The following CNTN5 variants were observed in gnomAD, a reference collection of about 807,000 sequenced individuals.
CNTN5 encodes contactin 5, also known as contactin-5.
CNTN5 carries 77 observed loss-of-function variants against 129.1 expected under a neutral mutation model. The ratio of observed to expected loss-of-function variants is 0.60; its 90% CI spans 0.50 to 0.72. The LOEUF (loss-of-function observed/expected upper bound fraction) is 0.72. CNTN5 is among the 30% of genes least tolerant of loss of function. The probability of loss-of-function intolerance (pLI) is 0.00; values close to 1 mark genes in which losing one functional copy is unlikely to be tolerated. For missense variants in CNTN5, 1,478 were observed against 1,328.8 expected (o/e 1.11, Z -1.75); for synonymous variants, 509 against 465.6 (o/e 1.09, Z -1.20).
At chr11:99,402,481 G>A (rs1265747764) in intron 2 of CNTN5, among the ~76,000 whole-genome samples, 1 of 152,060 alleles carries the variant, frequency 6.6e-6, no homozygotes, top group Non-Finnish European at 1.5e-5. Context: ...CTAATATTTT[G>A]TTAAGGGTTT....
At chr11:99,531,648 T>C (rs549700527) in intron 2 of CNTN5, among the ~76,000 whole-genome samples, 1 of 152,320 alleles carries the variant, frequency 6.6e-6, no homozygotes, top group African/African-American at 2.4e-5. Flanking sequence ...GCCTATGGAC[T>C]TGGTGCACTG....
chr11:100,327,507 G>T (rs34844237), intron 21 of CNTN5, among the ~76,000 whole-genome samples: 44,441 of 152,008 alleles, frequency 0.29, 6,837 homozygotes, highest in African/African-American at 0.35. Context: ...CCCTGCCCAC[G>T]GAGTCCTATC....
chr11:99,682,248 ATATG>A (rs1404735641), intron 3 of CNTN5, among the ~76,000 whole-genome samples: 2 of 152,006 alleles, frequency 1.3e-5, no homozygotes, highest in Admixed American at 6.6e-5. Flanking sequence ...TGGGTGAACA[ATATG>A]TAAGTTTTAT....
chr11:99,696,064 T>G (rs2134827007), intron 3 of CNTN5, among the ~76,000 whole-genome samples: 1 of 152,250 alleles, frequency 6.6e-6, no homozygotes, highest in South Asian at 2.1e-4. Context: ...GTTTTCTCAC[T>G]ACCTCATATA....
intron 1 of CNTN5, among the ~76,000 whole-genome samples, chr11:99,032,380 C>T (rs373995791): frequency 0.012 from 1,765 of 150,618 alleles, 53 homozygotes; most frequent in East Asian, 0.098. Context: ...TACAGTCCCA[C>T]CAACAGTGTA....
At chr11:99,923,757 G>GTCTA (rs11271049) in intron 7 of CNTN5, among the ~76,000 whole-genome samples, 21,918 of 140,444 alleles carry the variant, frequency 0.16, 1,861 homozygotes, top group East Asian at 0.2. Flanking sequence ...CTATCTGTCT[G>GTCTA]TCTATCTATC....
At chr11:99,916,454 G>C (rs562450557) in intron 7 of CNTN5, among the ~76,000 whole-genome samples, 1 of 152,232 alleles carries the variant, frequency 6.6e-6, no homozygotes, top group Admixed American at 6.5e-5. Context: ...CTGAGAGAAT[G>C]AAAACTTTTC....
At chr11:99,309,222 CTTTT>C (rs10709951) in intron 1 of CNTN5, among the ~76,000 whole-genome samples, 1 of 137,554 alleles carries the variant, frequency 7.3e-6, no homozygotes, top group Non-Finnish European at 1.6e-5. Context: ...TTTGCTATTT[CTTTT>C]TTTTTTTTTT....
chr11:99,609,683 A>G (rs1447316394), intron 3 of CNTN5, among the ~76,000 whole-genome samples: 1 of 152,122 alleles, frequency 6.6e-6, no homozygotes, highest in Non-Finnish European at 1.5e-5. Context: ...ACTTTAGATT[A>G]TTGAGATAAG....
chr11:99,905,383 T>C (rs1420425096), intron 6 of CNTN5, among the ~76,000 whole-genome samples: 3 of 152,218 alleles, frequency 2.0e-5, no homozygotes, highest in Non-Finnish European at 2.9e-5. Context: ...CAAATAGCGT[T>C]TATTAAATAG....
intron 6 of CNTN5, among the ~76,000 whole-genome samples, chr11:99,847,330 G>A (rs1250124453): frequency 6.6e-6 from 1 of 152,218 alleles, no homozygotes; most frequent in Non-Finnish European, 1.5e-5. Flanking sequence ...TTTGGCAGCA[G>A]CGTTTACAAT....
intron 3 of CNTN5, among the ~76,000 whole-genome samples, chr11:99,681,721 A>G (rs1017430854): frequency 2.6e-5 from 4 of 152,078 alleles, no homozygotes; most frequent in African/African-American, 7.2e-5. Flanking sequence ...AGGTACACCT[A>G]TAATTATGTT....
At chr11:99,780,499 AG>A (rs1360770156) in intron 3 of CNTN5, among the ~76,000 whole-genome samples, 1 of 152,056 alleles carries the variant, frequency 6.6e-6, no homozygotes, top group African/African-American at 2.4e-5. Context: ...TTGGATTTTA[AG>A]AGTGAGATTC....
At position 99,858,425 on chromosome 11, in the gene CNTN5, C is replaced by G. The variant is rs143350023; in HGVS notation, c.577+13163C>G. On this transcript the variant is annotated intron_variant, in intron 6 of 24. Transcript: ENST00000524871. The stretch of plus-strand genomic sequence containing the variant: ...AAATTGTATAATGTCTGGTATGGAA[C>G]TAGGATGTTTATTAAAGAAAATCTC... 1.2e-4 allele frequency among the ~76,000 whole-genome samples: 19 copies of G among 152,006 alleles called. 1 individual carries two copies. The East Asian group carries it at 3.7e-3, about 29-fold the overall frequency.
chr11:100,070,562 T>A lies in CNTN5; in HGVS notation c.1299+2T>A, dbSNP rs1248539386. 1 of 1,612,656 alleles carries A rather than the reference T, an allele frequency of 6.2e-7. No homozygotes were observed. The highest frequency in any genetic ancestry group is 8.5e-7 in the Non-Finnish European group (1 of 1,179,196). ...AATGGAGTACCCCTCTCACCTCAGG[T>A]ACTGTTGGGAGTTATTAACCTGTTC... On this transcript the variant is annotated splice_donor_variant, in intron 11 of 24. Transcript: ENST00000524871. LOFTEE classifies it high-confidence loss of function.
intron 3 of CNTN5, among the ~76,000 whole-genome samples, chr11:99,585,388 G>GAAAA (rs1275210589): frequency 4.6e-5 from 7 of 152,108 alleles, no homozygotes; most frequent in Non-Finnish European, 7.4e-5. Context: ...AAAAAAGGTA[G>GAAAA]GAGGATCTAG....
At position 100,128,008 on chromosome 11, in the gene CNTN5, C is replaced by T. The variant is rs370805630; in HGVS notation, c.1580+53714C>T. Reference sequence around the variant, plus strand: ...GTAGGAATAATGGCTACTCTGAGTCCTACACTGTCTTTTCTAATATCCTTT... The same window carrying T: ...GTAGGAATAATGGCTACTCTGAGTCTTACACTGTCTTTTCTAATATCCTTT... On this transcript the variant is annotated intron_variant, in intron 13 of 24. Coordinates refer to ENST00000524871, the MANE Select transcript of CNTN5 (RefSeq NM_014361.4). Among the ~76,000 whole-genome samples, 58 of 152,098 alleles carry T rather than the reference C, an allele frequency of 3.8e-4. No homozygotes were observed. In the East Asian group the frequency reaches 5.0e-3, roughly 13 times the overall value.
At position 100,157,187 on chromosome 11, in the gene CNTN5, G is replaced by T. The variant is rs192251230; in HGVS notation, c.1581-33939G>T. Among the ~76,000 whole-genome samples the T allele has an allele frequency of 1.6e-4, 24 of 151,920 alleles. No individual in the cohort carries two copies. The East Asian group carries it at 4.7e-3, about 30-fold the overall frequency. ...GTTTATTAAACCCTTATAATGGCAT[G>T]TTGTTAGTACATAATGAAGTATAAA... On this transcript the variant is annotated intron_variant, in intron 13 of 24. Coordinates refer to ENST00000524871, the MANE Select transcript of CNTN5 (RefSeq NM_014361.4).
chr11:100,242,395 T>G (rs1022687365), intron 16 of CNTN5, among the ~76,000 whole-genome samples: 2 of 152,174 alleles, frequency 1.3e-5, no homozygotes, highest in African/African-American at 4.8e-5. Context: ...TTTCTTCTCT[T>G]TAAAAGTCAT....
Sources: allele counts gnomAD v4.1 joint callset (sites outside exome capture counted in the v4.1 genomes callset), GRCh38; gene constraint gnomAD v4.1.1; transcripts MANE v1.5; gene names NCBI Gene and HGNC (gene_info 2026-07-23, HGNC 2026-07-21).